The following SNX6 variants were observed in gnomAD, a reference collection of about 807,000 sequenced individuals.
SNX6 encodes the protein sorting nexin-6.
A neutral mutation model predicts 63.0 loss-of-function variants in SNX6; 34 were observed. The observed-to-expected ratio is 0.54, with a 90% CI of 0.41 to 0.72. SNX6 has a LOEUF of 0.72. SNX6 is among the 30% of genes least tolerant of loss of function. The pLI, the probability that SNX6 is intolerant of heterozygous loss-of-function variation, is 0.00. For missense variants in SNX6, 398 were observed against 471.4 expected (o/e 0.84, Z 1.44); for synonymous variants, 170 against 164.2 (o/e 1.04, Z -0.27).
At chr14:34,601,219 CTTTTTTTTTT>C (rs77009422) in intron 6 of SNX6, among the ~76,000 whole-genome samples, 2 of 142,596 alleles carry the variant, frequency 1.4e-5, no homozygotes, top group South Asian at 2.2e-4. Context: ...AACCCTATTT[CTTTTTTTTTT>C]TTTTTTTTTT....
intron 2 of SNX6, chr14:34,629,690 A>C: frequency 1.3e-6 from 1 of 775,904 alleles, no homozygotes; most frequent in Non-Finnish European, 2.2e-6. Flanking sequence ...GGCGGGGGAC[A>C]AGAAAGCGGC....
At chr14:34,596,249 T>C (rs1317108484) in intron 7 of SNX6, among the ~76,000 whole-genome samples, 5 of 148,860 alleles carry the variant, frequency 3.4e-5, no homozygotes, top group African/African-American at 1.2e-4. Flanking sequence ...AAAATATAGG[T>C]GTTTTCCACA....
At chr14:34,573,246 G>A (rs527310991) in intron 11 of SNX6, among the ~76,000 whole-genome samples, 3 of 152,144 alleles carry the variant, frequency 2.0e-5, no homozygotes, top group African/African-American at 7.2e-5. Context: ...CCTAAGTGTT[G>A]GGATCACAGG....
intron 2 of SNX6, among the ~76,000 whole-genome samples, chr14:34,627,381 A>G (rs1451300025): frequency 2.0e-5 from 3 of 152,062 alleles, no homozygotes; most frequent in African/African-American, 7.2e-5. Context: ...CGGGAGGCGG[A>G]GCTTGCAGTG....
rs751295409 is a variant in SNX6, at chr14:34,608,046, T to C, written c.254A>G (p.Asp85Gly). 6.3e-7 allele frequency: 1 copy of C among 1,589,138 alleles called. No individual in the cohort carries two copies. Among genetic ancestry groups the C allele is most frequent in the Non-Finnish European group, 8.6e-7 (1 of 1,160,152 alleles). Residue 85 changes from aspartate (D) to glycine (G), a missense_variant, in exon 4 of 14, where the codon GAC becomes GGC. Transcript: ENST00000362031. ...WLHDSFVENE[D>G]YAGYIIPPAP... ...AATACTTACGATATAACCTGCATAG[T>C]CTTCATTTTCAACAAAGGAATCATG...
intron 9 of SNX6, among the ~76,000 whole-genome samples, chr14:34,585,972 T>C (rs1179916149): frequency 6.6e-6 from 1 of 152,000 alleles, no homozygotes; most frequent in East Asian, 1.9e-4. Context: ...AGGTGGAATC[T>C]CAGCTCACTG....
chr14:34,623,615 C>G (rs1358875702), intron 2 of SNX6, among the ~76,000 whole-genome samples: 1 of 152,212 alleles, frequency 6.6e-6, no homozygotes, highest in South Asian at 2.1e-4. Context: ...TAAATGGAAC[C>G]AAGCACATGA....
At chr14:34,617,587 G>A (rs1883463953) in intron 2 of SNX6, among the ~76,000 whole-genome samples, 1 of 132,208 alleles carries the variant, frequency 7.6e-6, no homozygotes, top group Non-Finnish European at 1.6e-5. Context: ...CAGCCTGGGT[G>A]ACAGAGTGAG....
At position 34,621,468 on chromosome 14, in the gene SNX6, C is replaced by T. The variant is rs546069052; in HGVS notation, c.54+8439G>A. Among the ~76,000 whole-genome samples, 3 of 152,292 alleles carry T rather than the reference C, an allele frequency of 2.0e-5. No homozygotes were observed. In the South Asian group the frequency reaches 6.2e-4, roughly 32 times the overall value. On this transcript the variant is annotated intron_variant, in intron 2 of 13. Coordinates refer to ENST00000362031, the MANE Select transcript of SNX6 (RefSeq NM_152233.4). ...TCAAGTTACCAACTAGACATAGCCA[C>T]CTGGATGTATTCACTTATTAAACAA...
intron 4 of SNX6, among the ~76,000 whole-genome samples, chr14:34,606,110 G>A (rs971411552): frequency 1.3e-5 from 2 of 151,644 alleles, no homozygotes; most frequent in Non-Finnish European, 1.5e-5. Flanking sequence ...GGAGTCGGAG[G>A]TTGCAGTGAG....
intron 6 of SNX6, among the ~76,000 whole-genome samples, chr14:34,601,260 T>G (rs951252732): frequency 7.3e-5 from 11 of 151,042 alleles, no homozygotes; most frequent in African/African-American, 2.4e-4. Context: ...GAGTCTCGCT[T>G]TGTCACCCAG....
At chr14:34,592,749 G>C (rs1208293201) in intron 8 of SNX6, among the ~76,000 whole-genome samples, 1 of 152,086 alleles carries the variant, frequency 6.6e-6, no homozygotes, top group Non-Finnish European at 1.5e-5. Flanking sequence ...TTTATATCAG[G>C]CTGGTGCAAT....
intron 13 of SNX6, among the ~76,000 whole-genome samples, chr14:34,564,030 C>T (rs527781235): frequency 3.9e-5 from 6 of 152,118 alleles, no homozygotes; most frequent in South Asian, 2.1e-4. Context: ...TGAGCCACTG[C>T]GCTGGCCTTT....
At chr14:34,573,877 G>A (rs901706815) in intron 11 of SNX6, among the ~76,000 whole-genome samples, 3 of 151,696 alleles carry the variant, frequency 2.0e-5, no homozygotes, top group Admixed American at 6.6e-5. Flanking sequence ...TGCTGACCTT[G>A]TGATCCACCC....
At position 34,563,083 on chromosome 14, in the gene SNX6, A is replaced by G. The variant is rs760433677; in HGVS notation, c.*39T>C. 1.3e-5 allele frequency: 20 copies of G among 1,591,508 alleles called. No individual in the cohort carries two copies. The highest frequency in any genetic ancestry group is 1.7e-5 in the Non-Finnish European group (20 of 1,164,250). Reference sequence around the variant, plus strand: ...TTAAGAAAACAAAAATAAAATTTGAAGGAAGGCAGCCCTTTTTAACAGGAA... The same window carrying G: ...TTAAGAAAACAAAAATAAAATTTGAGGGAAGGCAGCCCTTTTTAACAGGAA... On this transcript the variant is annotated 3_prime_UTR_variant, in exon 14 of 14. Transcript: ENST00000362031.
intron 13 of SNX6, among the ~76,000 whole-genome samples, chr14:34,563,533 T>G (rs759431650): frequency 3.4e-5 from 5 of 147,362 alleles, no homozygotes; most frequent in Non-Finnish European, 7.4e-5. Flanking sequence ...CACTCCACCC[T>G]GGGCGAAAGA....
intron 8 of SNX6, among the ~76,000 whole-genome samples, chr14:34,590,303 C>T (rs1882342215): frequency 6.6e-6 from 1 of 151,778 alleles, no homozygotes; most frequent in Non-Finnish European, 1.5e-5. Flanking sequence ...TGGCGGGCAC[C>T]TGTAGTCCCA....
At chr14:34,593,195 T>G in intron 7 of SNX6, 45 bp from the exon 8 acceptor site, 1 of 1,218,606 alleles carries the variant, frequency 8.2e-7, no homozygotes. Flanking sequence ...CTTATTTGCT[T>G]TAGTTTTATA....
chr14:34,603,294 AAAG>A (rs769511632), intron 6 of SNX6, 51 bp downstream of exon 6: 238 of 1,534,466 alleles, frequency 1.6e-4, no homozygotes, highest in South Asian at 5.7e-4. Context: ...TCAAAAAAAA[AAAG>A]AAGAAGAAGA....
Sources: allele counts gnomAD v4.1 joint callset (sites outside exome capture counted in the v4.1 genomes callset), GRCh38; gene constraint gnomAD v4.1.1; transcripts MANE v1.5; gene names NCBI Gene and HGNC (gene_info 2026-07-23, HGNC 2026-07-21).